The following SUN1 variants were observed in gnomAD, a reference collection of about 807,000 sequenced individuals.
SUN1 encodes the protein Sad1 and UNC84 domain containing 1, also known as SUN domain-containing protein 1.
SUN1 carries 61 observed loss-of-function variants against 103.2 expected under a neutral mutation model. The observed-to-expected ratio is 0.59, with a 90% CI of 0.48 to 0.73. SUN1 has a LOEUF of 0.73. Among genes scored for constraint, SUN1 ranks in the 30% least tolerant of loss-of-function variants. SUN1 has a pLI of 0.00. For missense variants in SUN1, 1,052 were observed against 1,034.6 expected (o/e 1.02, Z -0.23); for synonymous variants, 490 against 425.7 (o/e 1.15, Z -1.86).
upstream of SUN1, among the ~76,000 whole-genome samples, chr7:827,479 T>TG (rs1415477281): frequency 3.3e-5 from 5 of 149,490 alleles, no homozygotes; most frequent in East Asian, 5.9e-4. Context: ...TTTTTTTTTT[T>TG]TTTTTTTTGA....
Position 866,027 on chromosome 7 carries a change from C to T in SUN1, c.1940C>T (p.Pro647Leu), listed in dbSNP as rs756450543. The change falls in exon 16 of 19, where the codon CCG (proline) becomes CTG (leucine). Residue 647 changes from proline to leucine, a missense_variant. Physicochemically the swap from Pro to Leu is moderately conservative, Grantham distance 98. Around this residue, in one of 2 missense-constraint regions of SUN1, gnomAD observed 206 missense variants for 260.1 expected, o/e 0.79. Transcript: ENST00000401592. ...GCGCTGATGAGTCTGTTTGGGATCC[C>T]GCTGTGGTACTTCTCGCAGTCCCCG... Reference protein sequence around the residue: ...KTALMSLFGIPLWYFSQSPRV... With the variant: ...KTALMSLFGILLWYFSQSPRV... The T allele has an allele frequency of 5.6e-6, 9 of 1,613,986 alleles. No homozygotes were observed. The highest frequency in any genetic ancestry group is 2.2e-5 in the East Asian group (1 of 44,878).
At chr7:825,700 G>A (rs533226796) in intron 1 of SUN1, among the ~76,000 whole-genome samples, 1 of 152,280 alleles carries the variant, frequency 6.6e-6, no homozygotes, top group African/African-American at 2.4e-5. Context: ...TGAAATTGGA[G>A]ATGCAATGCC....
rs940952473 is a variant in SUN1 at position 873,487 on chromosome 7, C to A, written c.*156C>A. The A allele has an allele frequency of 5.6e-6, 4 of 719,082 alleles. No homozygotes were observed. Among genetic ancestry groups the A allele is most frequent in the Non-Finnish European group, 9.1e-6 (4 of 438,982 alleles). 44.5% of individuals were successfully genotyped at this position (719,082 alleles called of 1,614,324 possible). A position where few individuals can be genotyped will look rare whatever the true frequency, so the allele number is the denominator to read the frequency against. ...CCAGAGGACGTGAGCGTGTGACGGGCGCCTTGGCGCCACCTGTTGGGTGCT... is the reference window on the plus strand; with the variant it reads ...CCAGAGGACGTGAGCGTGTGACGGGAGCCTTGGCGCCACCTGTTGGGTGCT... On this transcript the variant is annotated 3_prime_UTR_variant, in exon 19 of 19. Transcript: ENST00000401592.
At chr7:848,302 A>T in intron 5 of SUN1, 1 of 913,434 alleles carries the variant, frequency 1.1e-6, no homozygotes, top group Non-Finnish European at 1.6e-6. Context: ...CCAAGTGATT[A>T]TCTTTGGTGT....
In SUN1 at chr7:857,871, C is replaced by G. The variant is rs565714490; in HGVS notation, c.1438C>G (p.Leu480Val). ...CCTGCCCACAGTCGAGCACCTCCAG[C>G]TGGAGCTGGATCAGCTAAAGTCAGA... Reference protein sequence around the residue: ...QLLPTVEHLQLELDQLKSELS... With the variant: ...QLLPTVEHLQVELDQLKSELS... The change falls in exon 13 of 19, where the codon CTG becomes GTG. Residue 480 changes from leucine to valine, a missense_variant. Coordinates refer to ENST00000401592, the MANE Select transcript of SUN1 (RefSeq NM_001130965.3). The G allele has an allele frequency of 1.8e-5, 28 of 1,599,080 alleles. No individual in the cohort carries two copies. In the East Asian group the frequency reaches 5.9e-4, roughly 33 times the overall value.
intron 12 of SUN1, 124 bp downstream of exon 12, chr7:856,525 T>G (rs1331335861): frequency 2.8e-5 from 30 of 1,062,902 alleles, no homozygotes; most frequent in Non-Finnish European, 3.7e-5. Flanking sequence ...CTGAAGGCCC[T>G]GAGGTTCGTG....
At chr7:826,220 C>T (rs932157325) in intron 1 of SUN1, among the ~76,000 whole-genome samples, 1 of 150,476 alleles carries the variant, frequency 6.6e-6, no homozygotes, top group Non-Finnish European at 1.5e-5. Context: ...AGAATGAGAC[C>T]CTGTCTCTTA....
intron 16 of SUN1, chr7:869,137 T>C (rs1420731779): frequency 1.7e-6 from 1 of 604,532 alleles, no homozygotes; most frequent in Non-Finnish European, 2.9e-6. Flanking sequence ...CTGGTCGTTT[T>C]AACTTTTATA....
intron 1 of SUN1, among the ~76,000 whole-genome samples, chr7:826,399 GTC>G (rs1273547068): frequency 1.3e-5 from 2 of 151,304 alleles, no homozygotes; most frequent in African/African-American, 4.9e-5. Flanking sequence ...CCCGCTCGGT[GTC>G]TCTCGGGAAG....
chr7:840,994 C>CG lies in SUN1; in HGVS notation c.267-951dup, dbSNP rs201695482. Among the ~76,000 whole-genome samples, 1,137 of 150,884 alleles carry CG rather than the reference C, an allele frequency of 7.5e-3. 49 individuals are homozygous for CG. In the East Asian group the frequency reaches 0.14, roughly 18 times the overall value. On this transcript the variant is annotated intron_variant, in intron 2 of 18. Transcript: ENST00000401592. Reference sequence around the variant, plus strand: ...TGTTGCCCAGGCTGGAGTGCAATGGCGCGATCTTGGCTCACCGCAACCTCT... The same window carrying CG: ...TGTTGCCCAGGCTGGAGTGCAATGGCGGCGATCTTGGCTCACCGCAACCTCT...
chr7:861,406 C>T lies in SUN1; in HGVS notation c.1806C>T (p.Ala602=). The T allele has an allele frequency of 6.2e-7, 1 of 1,614,216 alleles. No individual in the cohort carries two copies. Among genetic ancestry groups the T allele is most frequent in the Non-Finnish European group, 8.5e-7 (1 of 1,180,050 alleles). ...AAGCACGTGCCATCGTGAACAGCGCCTTGAAGCTGTATTCCCAAGATAAGA... is the reference window on the plus strand; with the variant it reads ...AAGCACGTGCCATCGTGAACAGCGCTTTGAAGCTGTATTCCCAAGATAAGA... The part of the protein sequence containing the change: ...EAQARAIVNS[A]LKLYSQDKTG... Residue 602 remains alanine, a synonymous_variant, in exon 15 of 19, where the codon GCC becomes GCT. Coordinates refer to ENST00000401592, the MANE Select transcript of SUN1 (RefSeq NM_001130965.3).
chr7:834,686 C>T (rs773487955), intron 1 of SUN1, among the ~76,000 whole-genome samples: 6 of 152,216 alleles, frequency 3.9e-5, no homozygotes, highest in Non-Finnish European at 7.3e-5. Flanking sequence ...CTTTCTGTCT[C>T]CATCACTACC....
chr7:856,186 G>C (rs945104391), intron 11 of SUN1, among the ~76,000 whole-genome samples, 172 bp from the exon 12 acceptor site: 2 of 152,184 alleles, frequency 1.3e-5, no homozygotes, highest in Admixed American at 1.3e-4. Flanking sequence ...ACGTAATGAA[G>C]GTTACTTTGA....
chr7:873,477 G>C lies in SUN1; in HGVS notation c.*146G>C, dbSNP rs536474158. 1 of 817,836 alleles carries C rather than the reference G, an allele frequency of 1.2e-6. No homozygotes were observed. The allele number at this position is 817,836 out of a possible 1,614,324, so 50.7% of individuals were successfully genotyped here. A position where few individuals can be genotyped will look rare whatever the true frequency, so the allele number is the denominator to read the frequency against. On this transcript the variant is annotated 3_prime_UTR_variant, in exon 19 of 19. Transcript: ENST00000401592. ...TGGCTGCTGGCCAGAGGACGTGAGC[G>C]TGTGACGGGCGCCTTGGCGCCACCT... is the stretch of plus-strand genomic sequence containing the variant.
At chr7:833,755 A>C (rs1800123774) in intron 1 of SUN1, among the ~76,000 whole-genome samples, 1 of 152,254 alleles carries the variant, frequency 6.6e-6, no homozygotes, top group African/African-American at 2.4e-5. Context: ...TAGGTCCATC[A>C]CACTTCCATA....
At chr7:865,677 G>A (rs960499474) in intron 15 of SUN1, among the ~76,000 whole-genome samples, 4 of 152,124 alleles carry the variant, frequency 2.6e-5, no homozygotes, top group African/African-American at 9.7e-5. Flanking sequence ...CACTCTCCAT[G>A]GTGGTTGTAC....
intron 7 of SUN1, 25 bp downstream of exon 7, chr7:852,068 C>T (rs774740418): frequency 3.6e-5 from 58 of 1,608,788 alleles, no homozygotes; most frequent in Middle Eastern, 1.6e-4. Flanking sequence ...ATCATGTCAG[C>T]GTGGTGCTTT....
At chr7:850,279 GCCTCCA>G (rs150030319) in intron 5 of SUN1, 7,187 of 464,768 alleles carry the variant, frequency 0.015, 426 homozygotes, top group African/African-American at 0.13. Context: ...GCTCACTGCA[GCCTCCA>G]CCTCCAGAGT....
At chr7:848,625 T>C in intron 5 of SUN1, 1 of 1,314,148 alleles carries the variant, frequency 7.6e-7, no homozygotes. Context: ...GGTATTTAAA[T>C]ATTTTTTCCC....
Sources: gnomAD v4.1 joint callset for allele counts (sites outside exome capture counted in the v4.1 genomes callset) on GRCh38, gnomAD v4.1.1 for gene constraint, gnomAD v4.1.1 regional missense constraint, MANE v1.5 for transcripts, NCBI Gene and HGNC (gene_info 2026-07-23, HGNC 2026-07-21) for gene names.